NEO1: variants seen among roughly 807,000 people sequenced by gnomAD.
The protein encoded by NEO1 is neogenin.
In NEO1, 63 loss-of-function variants were observed where a neutral mutation model predicts 159.7. The ratio of observed to expected loss-of-function variants is 0.39; its 90% CI spans 0.32 to 0.49. The LOEUF is 0.49. NEO1 is among the 20% of genes least tolerant of loss of function. The pLI is 0.85. For synonymous variants in NEO1, 633 were observed against 662.0 expected, an observed-to-expected ratio of 0.96 and a Z score of 0.67; for missense variants, 1,615 against 1,831.0, an observed-to-expected ratio of 0.88 and a Z score of 2.15.
chr15:73,277,845 G>C (rs1478607992), intron 21 of NEO1, among the ~76,000 whole-genome samples: 2 of 152,132 alleles, frequency 1.3e-5, no homozygotes, highest in African/African-American at 2.4e-5. Flanking sequence ...TCCTAAGCTA[G>C]AGAAATAGCA....
At chr15:73,261,759 A>G (rs1424003853) in intron 15 of NEO1, among the ~76,000 whole-genome samples, 1 of 152,200 alleles carries the variant, frequency 6.6e-6, no homozygotes, top group Non-Finnish European at 1.5e-5. Context: ...AAAAGTCACA[A>G]TAGGCTTTTT....
chr15:73,117,077 C>T (rs2071369532), intron 2 of NEO1, among the ~76,000 whole-genome samples: 1 of 152,140 alleles, frequency 6.6e-6, no homozygotes, highest in South Asian at 2.1e-4. Context: ...TGTCTGATGG[C>T]TTAATATTGC....
chr15:73,169,126 A>G (rs1339385837), intron 5 of NEO1, among the ~76,000 whole-genome samples: 1 of 152,130 alleles, frequency 6.6e-6, no homozygotes, highest in Non-Finnish European at 1.5e-5. Flanking sequence ...TGTTGGCCCT[A>G]TATTGTTATT....
intron 1 of NEO1, among the ~76,000 whole-genome samples, chr15:73,054,422 G>A (rs1478677164): frequency 6.6e-6 from 1 of 152,194 alleles, no homozygotes; most frequent in Non-Finnish European, 1.5e-5. Context: ...GCACAGATGA[G>A]GTGCAAGGCA....
intron 9 of NEO1, among the ~76,000 whole-genome samples, chr15:73,248,510 G>C (rs1167926367): frequency 6.6e-6 from 1 of 152,062 alleles, no homozygotes; most frequent in Non-Finnish European, 1.5e-5. Flanking sequence ...TTTCCCCTTG[G>C]TATCTGAGGA....
intron 18 of NEO1, 64 bp from the exon 19 acceptor site, chr15:73,272,391 G>T: frequency 7.9e-7 from 1 of 1,267,678 alleles, no homozygotes; most frequent in Non-Finnish European, 1.1e-6. Flanking sequence ...AGTGGAAAAG[G>T]TTGAAGAAAT....
chr15:73,147,386 G>T (rs920402558), intron 5 of NEO1, among the ~76,000 whole-genome samples: 1 of 152,014 alleles, frequency 6.6e-6, no homozygotes, highest in African/African-American at 2.4e-5. Flanking sequence ...GTTTGCTTTT[G>T]TTCCATGCCA....
At chr15:73,245,833 G>A (rs577684304) in intron 9 of NEO1, among the ~76,000 whole-genome samples, 2 of 151,496 alleles carry the variant, frequency 1.3e-5, no homozygotes, top group African/African-American at 2.4e-5. Context: ...CGCCCGCCTC[G>A]GCCTCGCAAA....
rs376838604 is a variant in NEO1, at chr15:73,064,492, T to C, written c.130+11687T>C. On this transcript the variant is annotated intron_variant, in intron 1 of 28. Coordinates refer to ENST00000261908, the MANE Select transcript of NEO1 (RefSeq NM_002499.4). ...AAAATTAATTAATTTAGAGACATAGTCTCACTCTGTTGCCTAGGCTGGAGT... is the reference window on the plus strand; with the variant it reads ...AAAATTAATTAATTTAGAGACATAGCCTCACTCTGTTGCCTAGGCTGGAGT... Among the ~76,000 whole-genome samples the C allele has an allele frequency of 4.6e-5, 7 of 152,316 alleles. 1 individual carries two copies. The highest frequency in any genetic ancestry group is 6.5e-5 in the Admixed American group (1 of 15,292).
Position 73,280,343 on chromosome 15 carries a change from A to G in NEO1, c.3262+2144A>G, listed in dbSNP as rs562144874. On this transcript the variant is annotated intron_variant, in intron 22 of 28. Coordinates refer to ENST00000261908, the MANE Select transcript of NEO1 (RefSeq NM_002499.4). ...CAGATGAGGCATAAAGAAATGGCAT[A>G]TATATTGTCCCTGGTAGGACTGTTC... Among the ~76,000 whole-genome samples, 3 of 152,194 alleles carry G rather than the reference A, an allele frequency of 2.0e-5. No individual in the cohort carries two copies. The South Asian group carries it at 6.2e-4, about 32-fold the overall frequency.
chr15:73,102,031 G>A (rs550750023), intron 1 of NEO1, among the ~76,000 whole-genome samples: 1 of 152,268 alleles, frequency 6.6e-6, no homozygotes, highest in East Asian at 1.9e-4. Context: ...TAACTCATTA[G>A]AAATGTAACA....
chr15:73,302,486 C>T (rs575785937), intron 28 of NEO1, 127 bp from the exon 29 acceptor site: 15 of 747,938 alleles, frequency 2.0e-5, no homozygotes, highest in African/African-American at 1.4e-4. Flanking sequence ...AGCCACCCTG[C>T]GTGTTAGTAG....
intron 1 of NEO1, among the ~76,000 whole-genome samples, chr15:73,091,406 A>G (rs2069683505): frequency 6.6e-6 from 1 of 152,106 alleles, no homozygotes; most frequent in Non-Finnish European, 1.5e-5. Context: ...ATCGGGTTTC[A>G]TTATTTTAAA....
chr15:73,175,643 G>C (rs1401881757), intron 5 of NEO1, among the ~76,000 whole-genome samples: 2 of 152,150 alleles, frequency 1.3e-5, no homozygotes, highest in Non-Finnish European at 2.9e-5. Flanking sequence ...GTGATGTAGG[G>C]AGTTCCTGTC....
intron 1 of NEO1, among the ~76,000 whole-genome samples, chr15:73,067,277 C>T (rs1002630981): frequency 6.6e-6 from 1 of 152,052 alleles, no homozygotes; most frequent in Non-Finnish European, 1.5e-5. Flanking sequence ...TAATGATATT[C>T]TAAAATTTGT....
chr15:73,100,983 C>T (rs1372806218), intron 1 of NEO1, among the ~76,000 whole-genome samples: 1 of 152,218 alleles, frequency 6.6e-6, no homozygotes, highest in African/African-American at 2.4e-5. Context: ...CTGTAACTAA[C>T]TACCACCAGA....
At chr15:73,080,991 A>C (rs1469622380) in intron 1 of NEO1, among the ~76,000 whole-genome samples, 1 of 152,244 alleles carries the variant, frequency 6.6e-6, no homozygotes, top group Non-Finnish European at 1.5e-5. Context: ...GAATTTTAGA[A>C]TTATTGAAAA....
At chr15:73,093,783 T>G (rs187074148) in intron 1 of NEO1, among the ~76,000 whole-genome samples, 12 of 152,234 alleles carry the variant, frequency 7.9e-5, no homozygotes, top group African/African-American at 2.6e-4. Context: ...TTCGCCATGC[T>G]TCCCTGGCTG....
chr15:73,251,715 C>A (rs1266029752), intron 11 of NEO1, among the ~76,000 whole-genome samples: 4 of 152,218 alleles, frequency 2.6e-5, no homozygotes, highest in South Asian at 4.1e-4. Context: ...ACTACAGTAC[C>A]TGTGGGAACT....
Sources: gnomAD v4.1 joint callset for allele counts (sites outside exome capture counted in the v4.1 genomes callset) on GRCh38, gnomAD v4.1.1 for gene constraint, MANE v1.5 for transcripts, NCBI Gene and HGNC (gene_info 2026-07-23, HGNC 2026-07-21) for gene names.